The following CPB2 variants were observed in gnomAD, a reference collection of about 807,000 sequenced individuals.
The protein encoded by CPB2 is carboxypeptidase B-like protein.
Under a neutral mutation model 57.0 loss-of-function variants are expected in CPB2, and 54 were observed. The ratio of observed to expected loss-of-function variants is 0.95; its 90% CI spans 0.76 to 1.19. The LOEUF (loss-of-function observed/expected upper bound fraction) is 1.19, where lower values mean the gene tolerates loss of function less well. Among genes scored for constraint, CPB2 ranks in the 50% most tolerant of loss-of-function variants. The pLI is 0.00. For missense variants in CPB2, 426 were observed against 512.0 expected (o/e 0.83, Z 1.62); for synonymous variants, 189 against 178.1 (o/e 1.06, Z -0.49).
intron 2 of CPB2, 96 bp downstream of exon 2, chr13:46,087,649 A>G: frequency 1.3e-6 from 1 of 794,324 alleles, no homozygotes; most frequent in Non-Finnish European, 2.1e-6. Context: ...AGTTCATACC[A>G]GATACATGTA....
At chr13:46,100,960 G>A (rs2045427529) in intron 1 of CPB2, 1 of 152,218 alleles carries the variant, frequency 6.6e-6, no homozygotes, top group Non-Finnish European at 1.5e-5. Flanking sequence ...AGTAAGGTGT[G>A]TTTGTGGAAG....
At chr13:46,065,744 G>A (rs1250690860) in intron 7 of CPB2, among the ~76,000 whole-genome samples, 1 of 151,246 alleles carries the variant, frequency 6.6e-6, no homozygotes, top group Admixed American at 6.6e-5. Context: ...CTTCCAGCCT[G>A]TTACCACTCC....
Position 46,098,072 on chromosome 13 carries a change from G to A in CPB2, c.74+6864C>T, listed in dbSNP as rs17844169. Among the ~76,000 whole-genome samples the A allele has an allele frequency of 1.9e-3, 284 of 152,294 alleles. 4 individuals carry two copies. The highest frequency in any genetic ancestry group is 5.9e-3 in the African/African-American group (244 of 41,558). The stretch of plus-strand genomic sequence containing the variant: ...GGGCTGCACTTACATACTGAATGTG[G>A]CAGGGAAGAATATGTTTGGAATCCA... On this transcript the variant is annotated intron_variant, in intron 1 of 10. Coordinates refer to ENST00000181383, the MANE Select transcript of CPB2 (RefSeq NM_001872.5).
rs184065366 is a variant in CPB2 at position 46,086,218 on chromosome 13, T to C, written c.150+1527A>G. Among the ~76,000 whole-genome samples the C allele has an allele frequency of 3.0e-3, 454 of 152,254 alleles. 1 individual carries two copies. The highest frequency in any genetic ancestry group is 4.4e-3 in the Non-Finnish European group (298 of 68,016). ...AAGGCTGCAGCTCTTCTCTCCTTCT[T>C]GTCACCCACAACGTGGCAAGCAAGG... On this transcript the variant is annotated intron_variant, in intron 2 of 10. Coordinates refer to ENST00000181383, the MANE Select transcript of CPB2 (RefSeq NM_001872.5).
rs2044729053 is a variant in CPB2, at chr13:46,058,527, A to G, written c.797-146T>C. 3 of 664,546 alleles carry G rather than the reference A, an allele frequency of 4.5e-6. No homozygotes were observed. The South Asian group carries it at 5.6e-5, about 12-fold the overall frequency. The allele number at this position is 664,546 out of a possible 1,614,324, so 41.2% of individuals were successfully genotyped here. On this transcript the variant is annotated intron_variant, in intron 8 of 10. Coordinates refer to ENST00000181383, the MANE Select transcript of CPB2 (RefSeq NM_001872.5). The stretch of plus-strand genomic sequence containing the variant: ...AGGGCTCTGCAAAGAACATAGTTCC[A>G]CTAAGTGTTATGTTTCTTTTGAAGT...
chr13:46,060,298 A>G (rs2044754005), intron 8 of CPB2, among the ~76,000 whole-genome samples: 1 of 152,140 alleles, frequency 6.6e-6, no homozygotes, highest in Admixed American at 6.5e-5. Context: ...CCCCGTCTCT[A>G]CCAAAAATAC....
intron 1 of CPB2, among the ~76,000 whole-genome samples, chr13:46,090,266 T>C (rs1397235124): frequency 1.3e-5 from 2 of 152,118 alleles, no homozygotes; most frequent in Non-Finnish European, 2.9e-5. Flanking sequence ...TAGAATTATA[T>C]TGGATCAATA....
intron 5 of CPB2, among the ~76,000 whole-genome samples, chr13:46,077,034 G>A (rs918235830): frequency 2.0e-5 from 3 of 151,992 alleles, no homozygotes; most frequent in Admixed American, 6.6e-5. Context: ...GATTTTTTGG[G>A]TAAGATCTCA....
At chr13:46,066,119 GA>G in intron 7 of CPB2, among the ~76,000 whole-genome samples, 1 of 145,394 alleles carries the variant, frequency 6.9e-6, no homozygotes, top group Non-Finnish European at 1.5e-5. Context: ...CCTCCTACAT[GA>G]AATAATTCAT....
intron 7 of CPB2, among the ~76,000 whole-genome samples, chr13:46,065,470 C>T (rs1036968198): frequency 2.6e-5 from 4 of 151,408 alleles, no homozygotes; most frequent in Non-Finnish European, 4.4e-5. Flanking sequence ...ACTAAAAATA[C>T]GAAAAAATTA....
At chr13:46,064,276 TC>T (rs1420916268) in intron 8 of CPB2, among the ~76,000 whole-genome samples, 18 of 151,502 alleles carry the variant, frequency 1.2e-4, no homozygotes, top group African/African-American at 4.1e-4. Flanking sequence ...AAAAGAGAGG[TC>T]CTCCCCCCAT....
At chr13:46,060,731 T>A (rs1199366386) in intron 8 of CPB2, among the ~76,000 whole-genome samples, 1 of 152,144 alleles carries the variant, frequency 6.6e-6, no homozygotes, top group Non-Finnish European at 1.5e-5. Context: ...CAGATTCTCA[T>A]TCTATGATTG....
intron 1 of CPB2, chr13:46,100,934 G>A (rs936996460): frequency 6.6e-6 from 1 of 152,080 alleles, no homozygotes; most frequent in Non-Finnish European, 1.5e-5. Flanking sequence ...TCGAGAAAAA[G>A]ACTAACAAGA....
intron 8 of CPB2, among the ~76,000 whole-genome samples, chr13:46,061,327 A>G (rs2044769742): frequency 6.6e-6 from 1 of 152,214 alleles, no homozygotes; most frequent in Admixed American, 6.5e-5. Context: ...GTGTGGTGCT[A>G]TCTTAGGAAG....
intron 1 of CPB2, chr13:46,098,265 G>T (rs1197980765): frequency 6.6e-6 from 1 of 152,184 alleles, no homozygotes. Flanking sequence ...CTAGCAAAGG[G>T]CACCTCTTTG....
In CPB2 at chr13:46,053,795, A is replaced by G; in HGVS notation, c.1091T>C (p.Leu364Pro). The change falls in exon 11 of 11, where the codon CTA (leucine) becomes CCA (proline). Residue 364 changes from leucine to proline, a missense_variant. Transcript: ENST00000181383. ...THGHGSETLY[L>P]APGGGDDWIY... is the part of the protein sequence containing the mutation. The stretch of plus-strand genomic sequence containing the variant: ...CCAATCGTCCCCACCTCCAGGAGCT[A>G]GGTCTAAAAGAAGAAGAAAGAAATT... The G allele has an allele frequency of 3.1e-6, 5 of 1,611,396 alleles. No homozygotes were observed. Among genetic ancestry groups the G allele is most frequent in the Non-Finnish European group, 4.2e-6 (5 of 1,178,834 alleles).
intron 3 of CPB2, among the ~76,000 whole-genome samples, chr13:46,082,958 C>CTTTTTTTTTT (rs774539161): frequency 7.0e-6 from 1 of 142,932 alleles, no homozygotes. Context: ...CCTTTTCTTT[C>CTTTTTTTTTT]TTTTTTTTTT....
intron 1 of CPB2, chr13:46,100,225 T>TTAGGAAA (rs2045417409): frequency 6.6e-6 from 1 of 152,030 alleles, no homozygotes; most frequent in Admixed American, 6.6e-5. Context: ...AAAAAATAAG[T>TTAGGAAA]TAGGAAATAG....
intron 6 of CPB2, 23 bp downstream of exon 6, chr13:46,073,850 G>T (rs772666178): frequency 4.7e-6 from 7 of 1,476,026 alleles, no homozygotes; most frequent in African/African-American, 1.4e-5. Context: ...GAGAAATAGG[G>T]TTAAGAGAAT....
Sources: allele counts gnomAD v4.1 joint callset (sites outside exome capture counted in the v4.1 genomes callset), GRCh38; gene constraint gnomAD v4.1.1; transcripts MANE v1.5; gene names NCBI Gene and HGNC (gene_info 2026-07-23, HGNC 2026-07-21).